CSMD1: variants seen among roughly 807,000 people sequenced by gnomAD.
The protein encoded by CSMD1 is CUB and sushi domain-containing protein 1.
A neutral mutation model predicts 417.5 loss-of-function variants in CSMD1; 213 were observed. That is an observed-to-expected ratio of 0.51 (90% CI 0.46 to 0.57). The LOEUF is 0.57. CSMD1 is among the 20% of genes least tolerant of loss of function. The pLI is 0.00. For synonymous variants in CSMD1, 2,862 were observed against 1,736.8 expected, an observed-to-expected ratio of 1.65 and a Z score of -16.11; for missense variants, 6,923 against 4,529.7, an observed-to-expected ratio of 1.53 and a Z score of -15.17.
chr8:3,213,153 A>T (rs1199610920), intron 30 of CSMD1, among the ~76,000 whole-genome samples: 1 of 152,242 alleles, frequency 6.6e-6, no homozygotes, highest in South Asian at 2.1e-4. Flanking sequence ...TAAAATGTTT[A>T]TTTGGCCTGA....
At chr8:4,966,396 C>A (rs559379008) in intron 1 of CSMD1, among the ~76,000 whole-genome samples, 39 of 151,808 alleles carry the variant, frequency 2.6e-4, no homozygotes, top group Non-Finnish European at 4.3e-4. Context: ...AAAACAACAA[C>A]AAAAAAAGAG....
intron 27 of CSMD1, among the ~76,000 whole-genome samples, chr8:3,225,382 C>G (rs953983536): frequency 4.1e-5 from 6 of 148,110 alleles, no homozygotes; most frequent in Non-Finnish European, 7.4e-5. Context: ...TTGATTTTCC[C>G]CAGTATGACT....
At chr8:3,242,307 A>T (rs1253351957) in intron 26 of CSMD1, among the ~76,000 whole-genome samples, 1 of 150,324 alleles carries the variant, frequency 6.7e-6, no homozygotes, top group Non-Finnish European at 1.5e-5. Context: ...GGGAGAGGTC[A>T]GATGGGGCTG....
At chr8:4,068,565 G>A (rs1004073439) in intron 3 of CSMD1, among the ~76,000 whole-genome samples, 2 of 152,280 alleles carry the variant, frequency 1.3e-5, no homozygotes, top group African/African-American at 2.4e-5. Context: ...GAGGCCACTG[G>A]ACCTTCTCAA....
At chr8:3,913,459 G>A (rs1360517110) in intron 5 of CSMD1, among the ~76,000 whole-genome samples, 2 of 152,164 alleles carry the variant, frequency 1.3e-5, no homozygotes, top group East Asian at 1.9e-4. Context: ...GTAACCTCCA[G>A]ACTGGAAGAA....
chr8:3,886,983 T>G (rs140166788), intron 5 of CSMD1, among the ~76,000 whole-genome samples: 234 of 152,246 alleles, frequency 1.5e-3, no homozygotes, highest in African/African-American at 5.3e-3. Flanking sequence ...TATGAACACT[T>G]AGAGAAGCAT....
intron 18 of CSMD1, among the ~76,000 whole-genome samples, chr8:3,372,455 C>A (rs562179011): frequency 7.3e-4 from 111 of 152,200 alleles, no homozygotes; most frequent in African/African-American, 2.6e-3. Context: ...AGAGAATACA[C>A]AGTGGTGAAG....
chr8:2,971,117 C>A (rs1182247658), intron 57 of CSMD1, among the ~76,000 whole-genome samples: 1 of 152,260 alleles, frequency 6.6e-6, no homozygotes, highest in Non-Finnish European at 1.5e-5. Context: ...AACCATAATA[C>A]AATTATTAAA....
chr8:3,938,761 T>C (rs1346047814), intron 5 of CSMD1, among the ~76,000 whole-genome samples: 2 of 152,184 alleles, frequency 1.3e-5, no homozygotes, highest in Admixed American at 6.6e-5. Flanking sequence ...GTCAAGTGCC[T>C]TTGTTGTTAA....
At chr8:4,303,601 T>C (rs373118230) in intron 3 of CSMD1, among the ~76,000 whole-genome samples, 14 of 152,110 alleles carry the variant, frequency 9.2e-5, no homozygotes, top group African/African-American at 2.2e-4. Flanking sequence ...CTTCTGGACA[T>C]TGTCATATGA....
At chr8:3,701,921 T>G (rs779169547) in intron 7 of CSMD1, among the ~76,000 whole-genome samples, 7 of 152,140 alleles carry the variant, frequency 4.6e-5, no homozygotes, top group Non-Finnish European at 1.0e-4. Flanking sequence ...TTTCATTAAC[T>G]GAACTGTCTC....
In CSMD1 at chr8:4,112,297, C is replaced by T. The variant is rs140417420; in HGVS notation, c.416-80198G>A. On this transcript the variant is annotated intron_variant, in intron 3 of 69. Coordinates refer to ENST00000635120, the MANE Select transcript of CSMD1 (RefSeq NM_033225.6). ...TGATACACCTTTCTGTGCCTGCTCC[C>T]GCACATTTACACAGACTCCACCCTG... 3.1e-3 allele frequency among the ~76,000 whole-genome samples: 473 copies of T among 152,270 alleles called. 5 individuals are homozygous for T. The highest frequency in any genetic ancestry group is 0.011 in the African/African-American group (445 of 41,562).
chr8:3,532,417 G>T (rs950917466), intron 10 of CSMD1, among the ~76,000 whole-genome samples: 4 of 152,100 alleles, frequency 2.6e-5, no homozygotes, highest in Non-Finnish European at 5.9e-5. Flanking sequence ...AAGAAAGATG[G>T]ACTTGTGGCA....
chr8:3,866,127 T>A (rs1162296334), intron 5 of CSMD1, among the ~76,000 whole-genome samples: 1 of 152,212 alleles, frequency 6.6e-6, no homozygotes, highest in African/African-American at 2.4e-5. Context: ...TATGTAAGTG[T>A]TTATGAATAC....
intron 3 of CSMD1, among the ~76,000 whole-genome samples, chr8:4,329,414 G>T (rs911165693): frequency 6.6e-6 from 1 of 151,788 alleles, no homozygotes; most frequent in African/African-American, 2.4e-5. Flanking sequence ...GCAGCCTCCC[G>T]GGTAGCTGGG....
chr8:4,890,405 G>C (rs183646636), intron 1 of CSMD1, among the ~76,000 whole-genome samples: 55 of 152,120 alleles, frequency 3.6e-4, no homozygotes, highest in Non-Finnish European at 7.6e-4. Context: ...TCCTGGGCAA[G>C]ACAGGTGAGA....
chr8:3,838,766 A>G (rs1250216017), intron 5 of CSMD1, among the ~76,000 whole-genome samples: 1 of 99,476 alleles, frequency 1.0e-5, no homozygotes, highest in Non-Finnish European at 1.8e-5. Context: ...ATTATATAGT[A>G]TAATATATAA....
chr8:3,211,162 A>G (rs1402421923), intron 30 of CSMD1, among the ~76,000 whole-genome samples: 1 of 152,100 alleles, frequency 6.6e-6, no homozygotes, highest in Non-Finnish European at 1.5e-5. Flanking sequence ...CTCCCACTAC[A>G]GCCTCCCGAG....
At chr8:4,934,975 A>G (rs1314842568) in intron 1 of CSMD1, among the ~76,000 whole-genome samples, 3 of 152,190 alleles carry the variant, frequency 2.0e-5, no homozygotes, top group Non-Finnish European at 2.9e-5. Flanking sequence ...TCTATCATCT[A>G]TCAATCATCT....
Sources: allele counts gnomAD v4.1 joint callset (sites outside exome capture counted in the v4.1 genomes callset), GRCh38; gene constraint gnomAD v4.1.1; transcripts MANE v1.5; gene names NCBI Gene and HGNC (gene_info 2026-07-23, HGNC 2026-07-21).